BTF3L4: variants seen among roughly 807,000 people sequenced by gnomAD.
The protein encoded by BTF3L4 is transcription factor BTF3 homolog 4.
BTF3L4 carries 6 observed loss-of-function variants against 16.8 expected under a neutral mutation model. The ratio of observed to expected loss-of-function variants is 0.36; its 90% CI spans 0.20 to 0.71. The LOEUF is 0.71. Among genes scored for constraint, BTF3L4 ranks in the 30% least tolerant of loss-of-function variants. BTF3L4 has a pLI of 0.58. For missense variants in BTF3L4, 92 were observed against 186.9 expected (o/e 0.49, Z 2.96); for synonymous variants, 39 against 59.8 (o/e 0.65, Z 1.60).
chr1:52,056,689 C>T (rs1264766628), intron 1 of BTF3L4, among the ~76,000 whole-genome samples: 1 of 152,264 alleles, frequency 6.6e-6, no homozygotes, highest in Admixed American at 6.5e-5. Context: ...TTGCTCACAA[C>T]AGCAGTGTTG....
intron 1 of BTF3L4, among the ~76,000 whole-genome samples, chr1:52,057,588 G>C (rs1267877111): frequency 6.6e-6 from 1 of 152,230 alleles, no homozygotes; most frequent in Non-Finnish European, 1.5e-5. Flanking sequence ...CAATAAAGTA[G>C]AGGTTGATTG....
At chr1:52,068,261 T>G (rs1572024013) in intron 3 of BTF3L4, among the ~76,000 whole-genome samples, 1 of 152,226 alleles carries the variant, frequency 6.6e-6, no homozygotes, top group East Asian at 1.9e-4. Context: ...ATTGAAATCA[T>G]CATAACAAAG....
chr1:52,065,599 A>C (rs1000217244), intron 3 of BTF3L4, among the ~76,000 whole-genome samples: 1 of 152,054 alleles, frequency 6.6e-6, no homozygotes, highest in Admixed American at 6.6e-5. Context: ...TTTTGGACTC[A>C]TGGCTCAATA....
At position 52,064,971 on chromosome 1, in the gene BTF3L4, G is replaced by A. The variant is rs771351505; in HGVS notation, c.168+33G>A. On this transcript the variant is annotated intron_variant, in intron 3 of 5. Transcript: ENST00000313334. ...CACTTTGCAAGTTGTTAAATTGTGT[G>A]GGTACATGCACAAATAATTGTCTGG... 26 of 1,303,830 alleles carry A rather than the reference G, an allele frequency of 2.0e-5. No individual in the cohort carries two copies. The South Asian group carries it at 2.5e-4, about 12-fold the overall frequency. 80.8% of individuals were successfully genotyped at this position (1,303,830 alleles called of 1,614,324 possible). A position where few individuals can be genotyped will look rare whatever the true frequency, so the allele number is the denominator to read the frequency against.
In BTF3L4 at chr1:52,090,078, T is replaced by C. The variant is rs1644005639; in HGVS notation, c.*3320T>C. On this transcript the variant is annotated 3_prime_UTR_variant, in exon 6 of 6. Coordinates refer to ENST00000313334, the MANE Select transcript of BTF3L4 (RefSeq NM_152265.5). ...AATTCTGCTATCTACCCTTACATTGTAACCTTTCTGACAGGGCTGCTGCGG... is the reference window on the plus strand; with the variant it reads ...AATTCTGCTATCTACCCTTACATTGCAACCTTTCTGACAGGGCTGCTGCGG... The C allele has an allele frequency of 6.6e-6, 1 of 152,230 alleles. No individual in the cohort carries two copies. Among genetic ancestry groups the C allele is most frequent in the South Asian group, 2.1e-4 (1 of 4,836 alleles). 9.4% of individuals were successfully genotyped at this position (152,230 alleles called of 1,614,324 possible).
At chr1:52,067,324 A>G (rs1277325068) in intron 3 of BTF3L4, among the ~76,000 whole-genome samples, 1 of 152,272 alleles carries the variant, frequency 6.6e-6, no homozygotes, top group Admixed American at 6.5e-5. Flanking sequence ...CCTTGCATAT[A>G]TAAATGAATA....
chr1:52,086,389 A>G lies in BTF3L4; in HGVS notation c.430+218A>G, dbSNP rs1643973367. ...CAAAGCTCTGCTGCCTGGATTTATT[A>G]AATTGAAATCACTGTGATTATAAAT... is the stretch of plus-strand genomic sequence containing the variant. On this transcript the variant is annotated intron_variant, in intron 5 of 5. Coordinates refer to ENST00000313334, the MANE Select transcript of BTF3L4 (RefSeq NM_152265.5). 5 of 496,514 alleles carry G rather than the reference A, an allele frequency of 1.0e-5. No individual in the cohort carries two copies. In the East Asian group the frequency reaches 1.6e-4, roughly 16 times the overall value. The allele number at this position is 496,514 out of a possible 1,614,324, so 30.8% of individuals were successfully genotyped here.
chr1:52,071,931 C>CTGTGTGTGTGTG (rs59491944), intron 3 of BTF3L4, among the ~76,000 whole-genome samples: 65 of 127,970 alleles, frequency 5.1e-4, no homozygotes, highest in African/African-American at 1.5e-3. Context: ...GTTTTTTACT[C>CTGTGTGTGTGTG]TGTGTGTGTG....
In BTF3L4 at chr1:52,085,380, G is replaced by GTT. The variant is rs538521006; in HGVS notation, c.371-723_371-722dup. Reference sequence around the variant, plus strand: ...TTTTGTTTGTTTGTTTTTTTGTTTTGTTTTTTTTTTGAGACAGAGTCTGAC... The same window carrying GTT: ...TTTTGTTTGTTTGTTTTTTTGTTTTGTTTTTTTTTTTTGAGACAGAGTCTGAC... On this transcript the variant is annotated intron_variant, in intron 4 of 5. Transcript: ENST00000313334. Among the ~76,000 whole-genome samples, 44 of 131,644 alleles carry GTT rather than the reference G, an allele frequency of 3.3e-4. 2 individuals are homozygous for GTT. In the South Asian group the frequency reaches 9.5e-3, roughly 28 times the overall value. The allele number at this position is 131,644 out of a possible 152,430, so 86.4% of individuals were successfully genotyped here. A position where few individuals can be genotyped will look rare whatever the true frequency, so the allele number is the denominator to read the frequency against.
At chr1:52,084,642 A>G (rs1643953612) in intron 4 of BTF3L4, among the ~76,000 whole-genome samples, 2 of 151,996 alleles carry the variant, frequency 1.3e-5, no homozygotes, top group Admixed American at 1.3e-4. Context: ...AAATACAAAA[A>G]TTAGCCAGGT....
chr1:52,078,343 A>T (rs900649382), intron 3 of BTF3L4, among the ~76,000 whole-genome samples: 4 of 151,626 alleles, frequency 2.6e-5, no homozygotes, highest in Non-Finnish European at 5.9e-5. Flanking sequence ...GATTACAGAC[A>T]TGAGCCACCA....
chr1:52,081,443 A>G (rs532436123), intron 3 of BTF3L4, among the ~76,000 whole-genome samples: 1 of 152,186 alleles, frequency 6.6e-6, no homozygotes, highest in African/African-American at 2.4e-5. Context: ...CTTTTAAACC[A>G]CGTGATTTGG....
At chr1:52,071,523 C>T (rs893254587) in intron 3 of BTF3L4, among the ~76,000 whole-genome samples, 1 of 152,120 alleles carries the variant, frequency 6.6e-6, no homozygotes, top group Non-Finnish European at 1.5e-5. Context: ...CATGCTGATT[C>T]TCTGTGATGA....
At position 52,090,356 on chromosome 1, in the gene BTF3L4, G is replaced by A. The variant is rs529962910; in HGVS notation, c.*3598G>A. On this transcript the variant is annotated 3_prime_UTR_variant, in exon 6 of 6. Transcript: ENST00000313334. ...ATGGCTTAGATTTTCCGAAGCTCAT[G>A]GTTCTAGGCACAGAAAGTCTCCATT... 6.2e-4 allele frequency: 94 copies of A among 152,310 alleles called. 1 individual carries two copies. The highest frequency in any genetic ancestry group is 2.1e-3 in the African/African-American group (89 of 41,564). The allele number at this position is 152,310 out of a possible 1,614,324, so 9.4% of individuals were successfully genotyped here.
intron 3 of BTF3L4, among the ~76,000 whole-genome samples, chr1:52,077,470 AAGC>A: frequency 6.6e-6 from 1 of 152,336 alleles, no homozygotes; most frequent in South Asian, 2.1e-4. Flanking sequence ...TGAACTCGGG[AAGC>A]AGATGTTGCA....
intron 3 of BTF3L4, among the ~76,000 whole-genome samples, chr1:52,069,271 T>G (rs920450784): frequency 3.9e-5 from 6 of 152,186 alleles, no homozygotes; most frequent in African/African-American, 1.4e-4. Flanking sequence ...TTTCTAAAAT[T>G]GATTTTTTGA....
At chr1:52,083,219 A>T in intron 3 of BTF3L4, 121 bp from the exon 4 acceptor site, 1 of 764,772 alleles carries the variant, frequency 1.3e-6, no homozygotes, top group Non-Finnish European at 2.2e-6. Flanking sequence ...TTGGCCAGTT[A>T]CTACCTTGGG....
intron 3 of BTF3L4, among the ~76,000 whole-genome samples, chr1:52,077,363 G>A (rs531510403): frequency 2.6e-5 from 4 of 152,170 alleles, no homozygotes; most frequent in South Asian, 4.1e-4. Flanking sequence ...CCAACATGGC[G>A]AAACCCCATC....
intron 3 of BTF3L4, among the ~76,000 whole-genome samples, chr1:52,075,477 G>A (rs1334960023): frequency 8.9e-5 from 13 of 145,556 alleles, no homozygotes; most frequent in African/African-American, 3.3e-4. Context: ...GGCCGAGATC[G>A]CACCACTACA....
Sources: gnomAD v4.1 joint callset for allele counts (sites outside exome capture counted in the v4.1 genomes callset) on GRCh38, gnomAD v4.1.1 for gene constraint, MANE v1.5 for transcripts, NCBI Gene and HGNC (gene_info 2026-07-23, HGNC 2026-07-21) for gene names.